KIFAP3: variants seen among roughly 807,000 people sequenced by gnomAD.
The protein encoded by KIFAP3 is kinesin-associated protein 3.
A neutral mutation model predicts 106.5 loss-of-function variants in KIFAP3; 68 were observed. The ratio of observed to expected loss-of-function variants is 0.64; its 90% CI spans 0.53 to 0.78. KIFAP3 has a LOEUF of 0.78. Among genes scored for constraint, KIFAP3 ranks in the 30% least tolerant of loss-of-function variants. The probability of loss-of-function intolerance (pLI) is 0.00; values close to 1 mark genes in which losing one functional copy is unlikely to be tolerated. For synonymous variants in KIFAP3, 320 were observed against 311.5 expected, an observed-to-expected ratio of 1.03 and a Z score of -0.29; for missense variants, 780 against 941.8, an observed-to-expected ratio of 0.83 and a Z score of 2.25.
chr1:169,959,507 GCATAACCTATA>G (rs1020734017), intron 18 of KIFAP3, among the ~76,000 whole-genome samples: 3 of 152,014 alleles, frequency 2.0e-5, no homozygotes, highest in African/African-American at 7.2e-5. Flanking sequence ...TCTCACAAAA[GCATAACCTATA>G]CATTGTAATT....
chr1:169,957,551 A>G (rs1665089679), intron 18 of KIFAP3, among the ~76,000 whole-genome samples: 1 of 152,224 alleles, frequency 6.6e-6, no homozygotes, highest in South Asian at 2.1e-4. Flanking sequence ...GAATTAAAAA[A>G]AATACAAAAA....
chr1:169,954,741 T>C (rs1187366994), intron 18 of KIFAP3, among the ~76,000 whole-genome samples: 1 of 152,202 alleles, frequency 6.6e-6, no homozygotes, highest in Non-Finnish European at 1.5e-5. Flanking sequence ...CCTTGATTAT[T>C]CAATATTCAT....
chr1:169,998,312 G>T (rs1249466046), intron 10 of KIFAP3, among the ~76,000 whole-genome samples: 1 of 151,186 alleles, frequency 6.6e-6, no homozygotes, highest in Non-Finnish European at 1.5e-5. Context: ...TATGACAGAG[G>T]TGTTTTCCCC....
At chr1:170,039,948 A>G (rs1247506400) in intron 3 of KIFAP3, among the ~76,000 whole-genome samples, 2 of 152,144 alleles carry the variant, frequency 1.3e-5, no homozygotes, top group Non-Finnish European at 2.9e-5. Flanking sequence ...TTTAACAAAA[A>G]AACTATCAAA....
At chr1:169,977,293 TGC>T (rs1666272068) in intron 16 of KIFAP3, among the ~76,000 whole-genome samples, 1 of 152,150 alleles carries the variant, frequency 6.6e-6, no homozygotes, top group African/African-American at 2.4e-5. Context: ...ATGGCAGGAC[TGC>T]TTTGCTTATC....
Position 170,027,854 on chromosome 1 carries a change from G to A in KIFAP3, c.842-3258C>T, listed in dbSNP as rs532686704. On this transcript the variant is annotated intron_variant, in intron 8 of 19. Transcript: ENST00000361580. The stretch of plus-strand genomic sequence containing the variant: ...AGAAAAAAAAATTACACCAAGGCCC[G>A]GTATAATAAATTGCTCAAAACGAAT... Among the ~76,000 whole-genome samples the A allele has an allele frequency of 4.6e-5, 7 of 151,836 alleles. No individual in the cohort carries two copies. The East Asian group carries it at 5.8e-4, about 13-fold the overall frequency.
rs1388438043 is a variant in KIFAP3 at position 169,954,007 on chromosome 1, TTAC to T, written c.2273+1_2273+3del. On this transcript the variant is annotated splice_donor_variant and splice_donor_region_variant and intron_variant, in intron 19 of 19. Transcript: ENST00000361580. LOFTEE classifies it high-confidence loss of function. ...CATTAGATTTTTCTTGGAAAACTGT[TTAC>T]CTGCCAGGAAATGAATGCTGCCCAA... 1 of 1,604,822 alleles carries T rather than the reference TTAC, an allele frequency of 6.2e-7. No individual in the cohort carries two copies. Among genetic ancestry groups the T allele is most frequent in the Non-Finnish European group, 8.5e-7 (1 of 1,171,668 alleles).
intron 8 of KIFAP3, 93 bp from the exon 9 acceptor site, chr1:170,024,689 C>G (rs947362832): frequency 1.0e-5 from 7 of 693,276 alleles, no homozygotes; most frequent in African/African-American, 1.9e-5. Context: ...ACAGAGATAG[C>G]CCTAAAAAGG....
chr1:170,083,803 T>G (rs1672056458), intron 1 of KIFAP3, among the ~76,000 whole-genome samples: 1 of 152,210 alleles, frequency 6.6e-6, no homozygotes, highest in Admixed American at 6.6e-5. Flanking sequence ...GTACTTCATT[T>G]AGAAAAATTG....
intron 1 of KIFAP3, among the ~76,000 whole-genome samples, chr1:170,059,923 T>C (rs1236477732): frequency 6.6e-6 from 1 of 152,184 alleles, no homozygotes; most frequent in Non-Finnish European, 1.5e-5. Context: ...AACCACATGA[T>C]TATCTCAACA....
intron 17 of KIFAP3, among the ~76,000 whole-genome samples, chr1:169,971,659 C>T (rs565798019): frequency 3.0e-4 from 45 of 152,020 alleles, no homozygotes; most frequent in African/African-American, 1.0e-3. Context: ...AGCAGAAAAT[C>T]CAACTTAGTG....
At position 169,978,195 on chromosome 1, in the gene KIFAP3, CA is replaced by C. The variant is rs774638215; in HGVS notation, c.1799-13del. ...ATCTTCTTGTTGAGCTGTAAATAAA[CA>C]AAAAATTCAAATAAAGAATACTATG... is the stretch of plus-strand genomic sequence containing the variant. On this transcript the variant is annotated splice_polypyrimidine_tract_variant and intron_variant, in intron 15 of 19. Coordinates refer to ENST00000361580, the MANE Select transcript of KIFAP3 (RefSeq NM_014970.4). 4 of 1,513,074 alleles carry C rather than the reference CA, an allele frequency of 2.6e-6. No individual in the cohort carries two copies. In the East Asian group the frequency reaches 9.1e-5, roughly 34 times the overall value. 93.7% of individuals were successfully genotyped at this position (1,513,074 alleles called of 1,614,324 possible). A position where few individuals can be genotyped will look rare whatever the true frequency, so the allele number is the denominator to read the frequency against.
chr1:170,016,466 G>A lies in KIFAP3; in HGVS notation c.1179C>T (p.Leu393=). The A allele has an allele frequency of 6.3e-7, 1 of 1,599,814 alleles. No homozygotes were observed. Among genetic ancestry groups the A allele is most frequent in the Non-Finnish European group, 8.5e-7 (1 of 1,174,268 alleles). The part of the protein sequence containing the change: ...QVGLLPKLTA[L]LGNDNYKQIA... The stretch of plus-strand genomic sequence containing the variant: ...ATTAATTTCTAAAAAGCATACCTAG[G>A]AGTGCAGTGAGCTTGGGAAGCAGTC... The change falls in exon 10 of 20, where the codon CTC becomes CTT. Residue 393 remains leucine, a synonymous_variant. Coordinates refer to ENST00000361580, the MANE Select transcript of KIFAP3 (RefSeq NM_014970.4).
At chr1:170,041,896 G>A (rs574267799) in intron 3 of KIFAP3, 73 of 1,352,056 alleles carry the variant, frequency 5.4e-5, no homozygotes, top group Non-Finnish European at 6.7e-5. Context: ...AGAATAAAGG[G>A]CAACATTTGG....
At chr1:170,059,010 A>G (rs12130417) in intron 1 of KIFAP3, among the ~76,000 whole-genome samples, 9,595 of 152,312 alleles carry the variant, frequency 0.063, 386 homozygotes, top group Non-Finnish European at 0.095. Context: ...TCTGGGACAC[A>G]TTTAAAGCAG....
intron 14 of KIFAP3, 39 bp from the exon 15 acceptor site, chr1:169,982,136 T>C: frequency 6.3e-7 from 1 of 1,598,542 alleles, no homozygotes; most frequent in East Asian, 2.2e-5. Context: ...CACTGAAATG[T>C]CCTGATCCAA....
chr1:170,056,166 A>G (rs1219169237), intron 1 of KIFAP3, among the ~76,000 whole-genome samples: 1 of 152,058 alleles, frequency 6.6e-6, no homozygotes, highest in African/African-American at 2.4e-5. Context: ...ACCAAAAGAC[A>G]CGAAGAAATT....
At chr1:170,004,399 G>T (rs1330114167) in intron 10 of KIFAP3, among the ~76,000 whole-genome samples, 2 of 152,174 alleles carry the variant, frequency 1.3e-5, no homozygotes, top group African/African-American at 4.8e-5. Context: ...GCATTGCCAA[G>T]TCAATCCTAA....
At chr1:170,033,920 A>G (rs1172129471) in intron 7 of KIFAP3, among the ~76,000 whole-genome samples, 1 of 151,850 alleles carries the variant, frequency 6.6e-6, no homozygotes. Flanking sequence ...ATTTATTAAC[A>G]ACAGTATTTT....
Sources: gnomAD v4.1 joint callset for allele counts (sites outside exome capture counted in the v4.1 genomes callset) on GRCh38, gnomAD v4.1.1 for gene constraint, MANE v1.5 for transcripts, NCBI Gene and HGNC (gene_info 2026-07-23, HGNC 2026-07-21) for gene names.